The following DGKG variants were observed in gnomAD, a reference collection of about 807,000 sequenced individuals.
DGKG encodes the protein diacylglycerol kinase gamma.
A neutral mutation model predicts 105.3 loss-of-function variants in DGKG; 78 were observed. The observed-to-expected ratio is 0.74, with a 90% CI of 0.62 to 0.89. The LOEUF is 0.89. DGKG is among the 40% of genes least tolerant of loss of function. The pLI, the probability that DGKG is intolerant of heterozygous loss-of-function variation, is 0.00. For missense variants in DGKG, 958 were observed against 1,020.1 expected (o/e 0.94, Z 0.83); for synonymous variants, 346 against 367.1 (o/e 0.94, Z 0.66).
At chr3:186,343,165 G>T (rs1726164505) in intron 1 of DGKG, among the ~76,000 whole-genome samples, 1 of 152,206 alleles carries the variant, frequency 6.6e-6, no homozygotes, top group Non-Finnish European at 1.5e-5. Flanking sequence ...TATCGCTTGT[G>T]AACGAGGATT....
chr3:186,325,487 A>T (rs1307637761), intron 1 of DGKG, among the ~76,000 whole-genome samples: 3 of 152,196 alleles, frequency 2.0e-5, no homozygotes, highest in Non-Finnish European at 4.4e-5. Flanking sequence ...ATACTGCTCC[A>T]GGTTGTTGTA....
intron 20 of DGKG, among the ~76,000 whole-genome samples, chr3:186,229,109 C>T (rs759891604): frequency 2.2e-4 from 34 of 152,242 alleles, no homozygotes; most frequent in African/African-American, 5.1e-4. Context: ...CAAAGATTTG[C>T]GTGACTGATA....
At chr3:186,272,447 T>C in intron 10 of DGKG, 104 bp from the exon 11 acceptor site, 1 of 798,048 alleles carries the variant, frequency 1.3e-6, no homozygotes, top group Non-Finnish European at 2.1e-6. Flanking sequence ...TTTGGGTGGC[T>C]GGCGAGGGGC....
At chr3:186,324,703 GCT>G (rs147218129) in intron 1 of DGKG, among the ~76,000 whole-genome samples, 1 of 152,344 alleles carries the variant, frequency 6.6e-6, no homozygotes, top group African/African-American at 2.4e-5. Flanking sequence ...TACTGGTGAG[GCT>G]TTGGAGAAAA....
chr3:186,242,471 G>T, intron 20 of DGKG, 33 bp downstream of exon 20: 1 of 1,586,500 alleles, frequency 6.3e-7, no homozygotes, highest in Non-Finnish European at 8.6e-7. Context: ...GCCACACTGG[G>T]TGGGTGGCAG....
intron 21 of DGKG, among the ~76,000 whole-genome samples, chr3:186,188,600 G>A (rs1236359238): frequency 6.6e-6 from 1 of 152,138 alleles, no homozygotes; most frequent in East Asian, 1.9e-4. Context: ...GTCCTGGTCA[G>A]CTCCGGGGAA....
intron 1 of DGKG, among the ~76,000 whole-genome samples, chr3:186,338,181 A>G (rs1176198748): frequency 2.6e-5 from 4 of 151,790 alleles, no homozygotes; most frequent in African/African-American, 9.7e-5. Context: ...AAAAAAAAAA[A>G]AAAAAAAGAA....
intron 20 of DGKG, among the ~76,000 whole-genome samples, chr3:186,223,152 C>T (rs970260537): frequency 9.9e-5 from 15 of 150,796 alleles, no homozygotes; most frequent in South Asian, 6.3e-4. Flanking sequence ...ACATCTTTTC[C>T]GCTGAATTGG....
At chr3:186,174,133 G>A (rs958143413) in intron 22 of DGKG, among the ~76,000 whole-genome samples, 2 of 152,188 alleles carry the variant, frequency 1.3e-5, no homozygotes, top group African/African-American at 4.8e-5. Context: ...TAACTTTTCC[G>A]AGTCTGCCTT....
At chr3:186,205,708 CA>C (rs34372462) in intron 21 of DGKG, among the ~76,000 whole-genome samples, 57,532 of 149,946 alleles carry the variant, frequency 0.38, 12,036 homozygotes, top group Non-Finnish European at 0.48. Context: ...AGCTCCATCT[CA>C]AAAAAAAACC....
chr3:186,195,288 AAAAC>A (rs1457361942), intron 21 of DGKG, among the ~76,000 whole-genome samples: 2 of 109,658 alleles, frequency 1.8e-5, no homozygotes, highest in Non-Finnish European at 4.6e-5. Context: ...AAAACAAAAA[AAAAC>A]AAAACAAAAA....
At chr3:186,161,041 G>A (rs756839292) in intron 24 of DGKG, 12 of 986,320 alleles carry the variant, frequency 1.2e-5, no homozygotes, top group African/African-American at 3.5e-5. Context: ...GATAACCTGC[G>A]TGGTGACTCA....
rs762041437 is a variant in DGKG, at chr3:186,260,426, G to T, written c.1424+13C>A. ...GGGGGAGAAATAAGAGGTAAAGATTGTGATCTCCATACCCTGGAGTAGGCC... is the reference window on the plus strand; with the variant it reads ...GGGGGAGAAATAAGAGGTAAAGATTTTGATCTCCATACCCTGGAGTAGGCC... On this transcript the variant is annotated intron_variant, in intron 16 of 24. Transcript: ENST00000265022. 3.6e-5 allele frequency: 58 copies of T among 1,590,864 alleles called. No homozygotes were observed. Among genetic ancestry groups the T allele is most frequent in the Non-Finnish European group, 4.6e-5 (53 of 1,159,148 alleles).
At chr3:186,303,333 G>C (rs1282651897) in intron 3 of DGKG, among the ~76,000 whole-genome samples, 1 of 152,110 alleles carries the variant, frequency 6.6e-6, no homozygotes, top group Non-Finnish European at 1.5e-5. Context: ...TCTGAGACCT[G>C]GACTAACATC....
At chr3:186,306,582 G>A in intron 3 of DGKG, 1 of 253,576 alleles carries the variant, frequency 3.9e-6, no homozygotes, top group Non-Finnish European at 7.6e-6. Context: ...TGGGGTGAGG[G>A]AGCTTGTGAA....
intron 7 of DGKG, among the ~76,000 whole-genome samples, chr3:186,282,690 A>AT (rs1560132496): frequency 6.6e-6 from 1 of 151,186 alleles, no homozygotes; most frequent in Non-Finnish European, 1.5e-5. Context: ...TTTCTTTTGT[A>AT]TTTTTAGTAG....
In DGKG at chr3:186,275,602, G is replaced by T. The variant is rs147694748; in HGVS notation, c.855C>A (p.Cys285Ter). Residue 285 changes from cysteine to a stop codon, truncating the protein, a stop_gained, in exon 10 of 25, where the codon TGC (cysteine) becomes TGA (stop). Transcript: ENST00000265022. LOFTEE classifies it high-confidence loss of function. Reference protein sequence around the residue: ...TMKHFKKPTYCNFCHIMLMGV... With the variant: ...TMKHFKKPTY ...CCATGAGCATGATATGGCAGAAGTT[G>T]CAGTAGGTTGGTTTCTTGAAGTGCT... 3.1e-6 allele frequency: 5 copies of T among 1,614,124 alleles called. No individual in the cohort carries two copies. The highest frequency in any genetic ancestry group is 4.2e-6 in the Non-Finnish European group (5 of 1,180,054).
intron 20 of DGKG, among the ~76,000 whole-genome samples, chr3:186,224,339 C>T (rs553107649): frequency 1.1e-4 from 16 of 152,236 alleles, no homozygotes; most frequent in East Asian, 3.9e-4. Context: ...TTATGACTCA[C>T]GGCTGAGGAA....
intron 21 of DGKG, among the ~76,000 whole-genome samples, chr3:186,195,201 C>T (rs1013628852): frequency 2.0e-5 from 3 of 152,060 alleles, no homozygotes; most frequent in African/African-American, 7.2e-5. Context: ...ATTAGCACCT[C>T]TAGCAACAGG....
Sources: gnomAD v4.1 joint callset for allele counts (sites outside exome capture counted in the v4.1 genomes callset) on GRCh38, gnomAD v4.1.1 for gene constraint, MANE v1.5 for transcripts, NCBI Gene and HGNC (gene_info 2026-07-23, HGNC 2026-07-21) for gene names.